The following XKR4 variants were observed in gnomAD, a reference collection of about 807,000 sequenced individuals.
XKR4 encodes XK related 4.
XKR4 carries 12 observed loss-of-function variants against 53.9 expected under a neutral mutation model. The observed-to-expected ratio is 0.22, with a 90% CI of 0.14 to 0.36. XKR4 has a LOEUF of 0.36. XKR4 is among the 10% of genes least tolerant of loss of function. The probability of loss-of-function intolerance (pLI) is 1.00; values close to 1 mark genes in which losing one functional copy is unlikely to be tolerated. For missense variants in XKR4, 799 were observed against 859.5 expected, an observed-to-expected ratio of 0.93 and a Z score of 0.88; for synonymous variants, 354 against 362.4, an observed-to-expected ratio of 0.98 and a Z score of 0.26.
intron 2 of XKR4, among the ~76,000 whole-genome samples, chr8:55,407,141 A>G (rs1032774006): frequency 1.3e-5 from 2 of 152,138 alleles, no homozygotes; most frequent in African/African-American, 2.4e-5. Context: ...CAGGACTCCA[A>G]ATGAACAATC....
chr8:55,453,132 G>A (rs1490181405), intron 2 of XKR4: 4 of 527,946 alleles, frequency 7.6e-6, no homozygotes, highest in African/African-American at 5.7e-5. Context: ...AGTAGAACAC[G>A]GCCTCCCAGA....
In XKR4 at chr8:55,230,610, C is replaced by T. The variant is rs769804528; in HGVS notation, c.807-127068C>T. Among the ~76,000 whole-genome samples the T allele has an allele frequency of 1.1e-4, 17 of 152,068 alleles. No homozygotes were observed. In the East Asian group the frequency reaches 2.1e-3, roughly 19 times the overall value. On this transcript the variant is annotated intron_variant, in intron 1 of 2. Transcript: ENST00000327381. Reference sequence around the variant, plus strand: ...CTCGAACTCCTGTCCTCAAGTGATCCGCCCACCTCGGCCTCCCAAAGTGCT... The same window carrying T: ...CTCGAACTCCTGTCCTCAAGTGATCTGCCCACCTCGGCCTCCCAAAGTGCT...
intron 1 of XKR4, chr8:55,135,455 A>G (rs925306687): frequency 5.6e-6 from 2 of 356,496 alleles, no homozygotes; most frequent in Non-Finnish European, 1.1e-5. Context: ...AATGAAATCT[A>G]AGGGTCCCCC....
chr8:55,173,648 A>G lies in XKR4; in HGVS notation c.806+70354A>G, dbSNP rs1563474865. On this transcript the variant is annotated intron_variant, in intron 1 of 2. Coordinates refer to ENST00000327381, the MANE Select transcript of XKR4 (RefSeq NM_052898.2). ...GCACAGTGCCAGGCACATTGTGAAA[A>G]AAGTGTTGAACTCACATAGGTCAAT... Among the ~76,000 whole-genome samples, 3 of 152,168 alleles carry G rather than the reference A, an allele frequency of 2.0e-5. No individual in the cohort carries two copies. In the South Asian group the frequency reaches 6.2e-4, roughly 32 times the overall value.
At chr8:55,223,215 G>A (rs1817906950) in intron 1 of XKR4, among the ~76,000 whole-genome samples, 1 of 152,198 alleles carries the variant, frequency 6.6e-6, no homozygotes, top group South Asian at 2.1e-4. Context: ...TATAGCCCGG[G>A]TCTGATGTTC....
At chr8:55,376,792 G>A (rs1393284919) in intron 2 of XKR4, among the ~76,000 whole-genome samples, 5 of 152,108 alleles carry the variant, frequency 3.3e-5, no homozygotes, top group African/African-American at 1.2e-4. Flanking sequence ...GTTAGAGGCA[G>A]TCTGCACTGA....
At chr8:55,308,284 A>G (rs960383705) in intron 1 of XKR4, among the ~76,000 whole-genome samples, 2 of 152,096 alleles carry the variant, frequency 1.3e-5, no homozygotes, top group Non-Finnish European at 2.9e-5. Flanking sequence ...ATAAATAAAG[A>G]TACTACCAGA....
intron 2 of XKR4, among the ~76,000 whole-genome samples, chr8:55,387,285 C>T (rs1223837705): frequency 2.6e-5 from 4 of 152,208 alleles, no homozygotes; most frequent in Non-Finnish European, 5.9e-5. Flanking sequence ...TGTAAAACCT[C>T]CTGGGGATCT....
At chr8:55,118,545 G>C (rs1816344031) in intron 1 of XKR4, among the ~76,000 whole-genome samples, 1 of 152,164 alleles carries the variant, frequency 6.6e-6, no homozygotes, top group Non-Finnish European at 1.5e-5. Flanking sequence ...GCATAGGCAA[G>C]TGCTAGAAGA....
intron 2 of XKR4, among the ~76,000 whole-genome samples, chr8:55,361,856 C>T (rs1803913894): frequency 6.6e-6 from 1 of 152,154 alleles, no homozygotes; most frequent in Admixed American, 6.5e-5. Context: ...CTCGTCCCCT[C>T]ACTCTTAGCC....
At chr8:55,168,132 G>A (rs1001712630) in intron 1 of XKR4, among the ~76,000 whole-genome samples, 1 of 152,182 alleles carries the variant, frequency 6.6e-6, no homozygotes, top group African/African-American at 2.4e-5. Flanking sequence ...CAGAAAGTCT[G>A]TTGTTCTAAA....
chr8:55,318,649 T>C (rs16921598), intron 1 of XKR4, among the ~76,000 whole-genome samples: 36,957 of 152,066 alleles, frequency 0.24, 4,914 homozygotes, highest in East Asian at 0.52. Context: ...TACCCTAACA[T>C]TACAATGAAT....
chr8:55,114,827 G>A (rs1459482176), intron 1 of XKR4, among the ~76,000 whole-genome samples: 1 of 152,158 alleles, frequency 6.6e-6, no homozygotes, highest in African/African-American at 2.4e-5. Flanking sequence ...AGAATAAAAT[G>A]ACTGAAATAA....
At chr8:55,246,418 G>A (rs913486513) in intron 1 of XKR4, among the ~76,000 whole-genome samples, 1 of 152,130 alleles carries the variant, frequency 6.6e-6, no homozygotes, top group Non-Finnish European at 1.5e-5. Context: ...AACATAATTT[G>A]GGGAAAGGGA....
chr8:55,285,201 AT>A (rs1286136537), intron 1 of XKR4, among the ~76,000 whole-genome samples: 8 of 152,108 alleles, frequency 5.3e-5, no homozygotes, highest in African/African-American at 1.9e-4. Flanking sequence ...AGCTGATTGG[AT>A]CTCCACACTT....
chr8:55,422,164 A>C (rs1325988668), intron 2 of XKR4, among the ~76,000 whole-genome samples: 1 of 152,226 alleles, frequency 6.6e-6, no homozygotes, highest in East Asian at 1.9e-4. Context: ...TAAAATTGGC[A>C]GTGAAAAAAC....
chr8:55,358,927 T>C (rs568016374), intron 2 of XKR4, among the ~76,000 whole-genome samples: 4 of 152,284 alleles, frequency 2.6e-5, no homozygotes, highest in South Asian at 2.1e-4. Flanking sequence ...GTGCTTTAAT[T>C]TGGGGGACAG....
chr8:55,103,339 A>G lies in XKR4; in HGVS notation c.806+45A>G, dbSNP rs371407502. 3.2e-6 allele frequency: 5 copies of G among 1,548,434 alleles called. No individual in the cohort carries two copies. In the African/African-American group the frequency reaches 6.8e-5, roughly 21 times the overall value. On this transcript the variant is annotated intron_variant, in intron 1 of 2. Transcript: ENST00000327381. ...AAAAGGGAGGCTTGCTGCTGCTACT[A>G]CATCCCCACTGCTTTGCTTTTGCAC...
intron 2 of XKR4, among the ~76,000 whole-genome samples, chr8:55,381,882 T>G (rs1585548250): frequency 6.6e-6 from 1 of 152,358 alleles, no homozygotes; most frequent in East Asian, 1.9e-4. Context: ...GTATTCTTAT[T>G]CTCATTTCCC....
Sources: gnomAD v4.1 joint callset for allele counts (sites outside exome capture counted in the v4.1 genomes callset) on GRCh38, gnomAD v4.1.1 for gene constraint, MANE v1.5 for transcripts, NCBI Gene and HGNC (gene_info 2026-07-23, HGNC 2026-07-21) for gene names.